WDR27: variants seen among roughly 807,000 people sequenced by gnomAD.
WDR27 encodes WD repeat domain 27.
WDR27 carries 100 observed loss-of-function variants against 114.4 expected under a neutral mutation model. The ratio of observed to expected loss-of-function variants is 0.87; its 90% CI spans 0.74 to 1.03. The LOEUF (loss-of-function observed/expected upper bound fraction) is 1.03, where lower values mean the gene tolerates loss of function less well. Ranked by LOEUF, WDR27 falls within the 50% of genes least tolerant of loss-of-function variation. The probability of loss-of-function intolerance (pLI) is 0.00; values close to 1 mark genes in which losing one functional copy is unlikely to be tolerated. For synonymous variants in WDR27, 449 were observed against 423.1 expected (o/e 1.06, Z -0.75); for missense variants, 1,129 against 1,092.9 (o/e 1.03, Z -0.47).
At chr6:169,554,405 G>A (rs1446731268) in intron 25 of WDR27, among the ~76,000 whole-genome samples, 1 of 152,204 alleles carries the variant, frequency 6.6e-6, no homozygotes, top group Non-Finnish European at 1.5e-5. Context: ...CCCTGTCGGT[G>A]CTTTGCAAGC....
In WDR27 at chr6:169,668,198, A is replaced by G; in HGVS notation, c.457-13T>C. ...CAGAAAATCGCTGCTATTAAAATAA[A>G]GCCCAAATTATTCCTCTGTTCAAGC... On this transcript the variant is annotated splice_polypyrimidine_tract_variant and intron_variant, in intron 4 of 25. Transcript: ENST00000448612. The G allele has an allele frequency of 6.2e-7, 1 of 1,613,560 alleles. No homozygotes were observed. The highest frequency in any genetic ancestry group is 8.5e-7 in the Non-Finnish European group (1 of 1,179,584).
intron 6 of WDR27, 151 bp downstream of exon 6, chr6:169,666,985 G>A: frequency 7.9e-7 from 1 of 1,269,598 alleles, no homozygotes; most frequent in Non-Finnish European, 1.0e-6. Context: ...TCCTCTCCCT[G>A]TGTGGACGGG....
At chr6:169,521,954 C>CA (rs1250133039) in intron 25 of WDR27, among the ~76,000 whole-genome samples, 1 of 151,700 alleles carries the variant, frequency 6.6e-6, no homozygotes, top group East Asian at 1.9e-4. Flanking sequence ...AGAAAACAAG[C>CA]AAAAAATGGC....
rs1215919424 is a variant in WDR27, at chr6:169,562,689, G to T, written c.2645+9730C>A. ...GAGGGGACATGGGGAGGGCACATGGGCATCACAGTGAGACCAGTGGGAGCT... is the reference window on the plus strand; with the variant it reads ...GAGGGGACATGGGGAGGGCACATGGTCATCACAGTGAGACCAGTGGGAGCT... On this transcript the variant is annotated intron_variant, in intron 25 of 25. Transcript: ENST00000448612. Among the ~76,000 whole-genome samples the T allele has an allele frequency of 3.3e-5, 5 of 152,300 alleles. No homozygotes were observed. The East Asian group carries it at 9.7e-4, about 29-fold the overall frequency.
At position 169,701,939 on chromosome 6, in the gene WDR27, G is replaced by GACTCACAGCACCCAGCTCCCA; in HGVS notation, c.-397_-396insTGGGAGCTGGGTGCTGTGAGT. The GACTCACAGCACCCAGCTCCCA allele has an allele frequency of 2.7e-6, 1 of 367,606 alleles. No homozygotes were observed. The highest frequency in any genetic ancestry group is 3.2e-5 in the Admixed American group (1 of 31,060). 22.8% of individuals were successfully genotyped at this position (367,606 alleles called of 1,614,324 possible). On this transcript the variant is annotated 5_prime_UTR_variant, in exon 1 of 26. Transcript: ENST00000448612. ...GAGGACTCACAGCACCCAGCTCCCA[G>GACTCACAGCACCCAGCTCCCA]GAGGGCACGCAGAGGACTACCGAGC... is the stretch of plus-strand genomic sequence containing the variant.
chr6:169,585,074 T>C (rs1446203108), intron 23 of WDR27, among the ~76,000 whole-genome samples: 1 of 152,174 alleles, frequency 6.6e-6, no homozygotes, highest in Non-Finnish European at 1.5e-5. Context: ...ATAATCTCTT[T>C]AATAAATGGT....
intron 1 of WDR27, among the ~76,000 whole-genome samples, chr6:169,701,250 A>T (rs944971540): frequency 6.6e-6 from 1 of 152,168 alleles, no homozygotes; most frequent in African/African-American, 2.4e-5. Context: ...AAAAGAGAAA[A>T]TTACTCCCTT....
rs765142901 is a variant in WDR27, at chr6:169,634,448, G to A, written c.2081C>T (p.Ala694Val). The A allele has an allele frequency of 5.6e-6, 9 of 1,612,676 alleles. No individual in the cohort carries two copies. In the Admixed American group the frequency reaches 6.7e-5, roughly 12 times the overall value. Residue 694 changes from alanine (A) to valine (V), a missense_variant, in exon 20 of 26, where the codon GCA becomes GTA. By Grantham distance (64) the Ala-to-Val change is moderately conservative. Transcript: ENST00000448612. ...GATACGGGAATAAAAGTCGTTGACT[G>A]CCGATAAACTGGTCATGTCTACTGC... Reference protein sequence around the residue: ...TGAVDMTSLSAVNDFYSHIVL... With the variant: ...TGAVDMTSLSVVNDFYSHIVL...
At chr6:169,555,150 C>T (rs1202820373) in intron 25 of WDR27, among the ~76,000 whole-genome samples, 1 of 152,108 alleles carries the variant, frequency 6.6e-6, no homozygotes, top group Admixed American at 6.5e-5. Flanking sequence ...TATAAGTTGA[C>T]GGTTTACAAT....
chr6:169,523,001 A>C (rs1316468057), intron 25 of WDR27, among the ~76,000 whole-genome samples: 1 of 151,972 alleles, frequency 6.6e-6, no homozygotes. Flanking sequence ...AAAGCAATAA[A>C]GAAAATCAAC....
intron 25 of WDR27, among the ~76,000 whole-genome samples, chr6:169,488,269 G>C (rs1789221166): frequency 6.6e-6 from 1 of 152,242 alleles, no homozygotes; most frequent in Admixed American, 6.5e-5. Flanking sequence ...GCTGTTGCTG[G>C]AGAGGCAGCC....
At chr6:169,690,173 C>T (rs1004719887) in intron 1 of WDR27, among the ~76,000 whole-genome samples, 2 of 151,974 alleles carry the variant, frequency 1.3e-5, no homozygotes, top group African/African-American at 2.4e-5. Context: ...ATTAGGCCCT[C>T]ATGCTGGTCA....
chr6:169,482,796 T>G (rs1788369240), intron 25 of WDR27, among the ~76,000 whole-genome samples: 1 of 152,068 alleles, frequency 6.6e-6, no homozygotes, highest in Non-Finnish European at 1.5e-5. Flanking sequence ...ATAAAATAAT[T>G]CTCAACAAAT....
intron 25 of WDR27, among the ~76,000 whole-genome samples, chr6:169,485,859 G>T (rs542649224): frequency 6.6e-6 from 1 of 152,306 alleles, no homozygotes; most frequent in South Asian, 2.1e-4. Flanking sequence ...TCCTTTGCAG[G>T]GATGCAAGGG....
At chr6:169,667,300 A>T (rs1828122034) in intron 5 of WDR27, 113 bp from the exon 6 acceptor site, 2 of 1,257,166 alleles carry the variant, frequency 1.6e-6, no homozygotes, top group South Asian at 7.2e-5. Context: ...TGGTTATCTA[A>T]AACAGAAAAC....
At chr6:169,648,441 A>C (rs552770133) in intron 15 of WDR27, among the ~76,000 whole-genome samples, 1 of 152,322 alleles carries the variant, frequency 6.6e-6, no homozygotes, top group South Asian at 2.1e-4. Context: ...TTACCAAAAA[A>C]ATCAGAGCTG....
intron 25 of WDR27, among the ~76,000 whole-genome samples, chr6:169,500,168 C>G (rs1790962587): frequency 6.6e-6 from 1 of 152,216 alleles, no homozygotes; most frequent in African/African-American, 2.4e-5. Context: ...ATTAGCACCA[C>G]AATCAAAGAC....
intron 25 of WDR27, among the ~76,000 whole-genome samples, chr6:169,545,611 G>C (rs1245226826): frequency 6.6e-6 from 1 of 152,172 alleles, no homozygotes; most frequent in East Asian, 1.9e-4. Context: ...CTGGGAGGCA[G>C]AGACTGCAGT....
At chr6:169,455,916 T>C (rs1405824766), downstream of WDR27, among the ~76,000 whole-genome samples, 1 of 151,902 alleles carries the variant, frequency 6.6e-6, no homozygotes, top group Non-Finnish European at 1.5e-5. Context: ...TGACATTTAT[T>C]CAGCAATTAT....
Sources: allele counts gnomAD v4.1 joint callset (sites outside exome capture counted in the v4.1 genomes callset), GRCh38; gene constraint gnomAD v4.1.1; transcripts MANE v1.5; gene names NCBI Gene and HGNC (gene_info 2026-07-23, HGNC 2026-07-21).